The following SHISA6 variants were observed in gnomAD, a reference collection of about 807,000 sequenced individuals.
SHISA6 encodes shisa family member 6, also known as protein shisa-6.
A neutral mutation model predicts 47.9 loss-of-function variants in SHISA6; 22 were observed. The ratio of observed to expected loss-of-function variants is 0.46; its 90% CI spans 0.33 to 0.66. SHISA6 has a LOEUF of 0.66. Ranked by LOEUF, SHISA6 falls within the 30% of genes least tolerant of loss-of-function variation. The pLI is 0.02. For missense variants in SHISA6, 680 were observed against 764.6 expected (o/e 0.89, Z 1.30); for synonymous variants, 388 against 337.8 (o/e 1.15, Z -1.63).
chr17:11,291,063 A>G (rs960065473), intron 2 of SHISA6, among the ~76,000 whole-genome samples: 9 of 152,100 alleles, frequency 5.9e-5, no homozygotes, highest in African/African-American at 2.2e-4. Context: ...TTTATTCTAA[A>G]TAATCCAGTA....
chr17:11,251,145 A>G (rs1219838805), intron 1 of SHISA6, among the ~76,000 whole-genome samples: 2 of 152,056 alleles, frequency 1.3e-5, no homozygotes, highest in African/African-American at 2.4e-5. Flanking sequence ...TCCTGAATGT[A>G]ATGGAGTCAG....
At chr17:11,448,257 G>A (rs1915289674) in intron 3 of SHISA6, among the ~76,000 whole-genome samples, 1 of 152,162 alleles carries the variant, frequency 6.6e-6, no homozygotes, top group South Asian at 2.1e-4. Flanking sequence ...GAGGCTGGGT[G>A]TGGTGGCTCA....
chr17:11,484,868 G>T (rs1916308463), intron 3 of SHISA6, among the ~76,000 whole-genome samples: 3 of 152,216 alleles, frequency 2.0e-5, no homozygotes, highest in African/African-American at 7.2e-5. Context: ...AAAAGAGTCT[G>T]AGTAGAGGTA....
rs78497100 is a variant in SHISA6 at position 11,559,589 on chromosome 17, G to C, written c.*1285G>C. Reference sequence around the variant, plus strand: ...TCCTCCTAGCTGATCCTTCAGATCCGTGCCTCCTCTGGATCAAAGGGACAA... The same window carrying C: ...TCCTCCTAGCTGATCCTTCAGATCCCTGCCTCCTCTGGATCAAAGGGACAA... On this transcript the variant is annotated 3_prime_UTR_variant, in exon 6 of 6. Transcript: ENST00000441885. The surrounding 1 kb of genome is among the most constrained non-coding windows in gnomAD (Gnocchi z 4.4). The C allele has an allele frequency of 3.9e-5, 6 of 152,626 alleles. No homozygotes were observed. Among genetic ancestry groups the C allele is most frequent in the African/African-American group, 1.4e-4 (6 of 41,452 alleles). The allele number at this position is 152,626 out of a possible 1,614,324, so 9.5% of individuals were successfully genotyped here.
Position 11,269,018 on chromosome 17 carries a change from C to T in SHISA6, c.799+5492C>T, listed in dbSNP as rs566877416. Among the ~76,000 whole-genome samples, 212 of 151,720 alleles carry T rather than the reference C, an allele frequency of 1.4e-3. 1 individual carries two copies. The highest frequency in any genetic ancestry group is 4.7e-3 in the African/African-American group (193 of 41,254). ...GGTTGAGCCAGAAGGTCCTGGTATC[C>T]GGTGCCCAGTTTTTTTTGTTTGTCT... On this transcript the variant is annotated intron_variant, in intron 2 of 5. Transcript: ENST00000441885.
At chr17:11,321,614 T>G (rs1440756088) in intron 2 of SHISA6, among the ~76,000 whole-genome samples, 2 of 152,270 alleles carry the variant, frequency 1.3e-5, no homozygotes, top group Non-Finnish European at 2.9e-5. Flanking sequence ...TGTAATTATT[T>G]ATATAGTTGA....
chr17:11,460,982 A>G (rs984394847), intron 3 of SHISA6, among the ~76,000 whole-genome samples: 1 of 152,228 alleles, frequency 6.6e-6, no homozygotes, highest in Admixed American at 6.5e-5. Context: ...ATAGGATTTT[A>G]TTGATTAATT....
chr17:11,551,615 TC>T (rs1397984962), intron 3 of SHISA6, among the ~76,000 whole-genome samples: 1 of 151,418 alleles, frequency 6.6e-6, no homozygotes, highest in Non-Finnish European at 1.5e-5. Flanking sequence ...TCCATCCTTC[TC>T]CTCTTCCACC....
Position 11,563,533 on chromosome 17 carries a change from C to T in SHISA6, c.*5229C>T, listed in dbSNP as rs1307914642. The T allele has an allele frequency of 1.3e-5, 2 of 152,208 alleles. No individual in the cohort carries two copies. Among genetic ancestry groups the T allele is most frequent in the African/African-American group, 4.8e-5 (2 of 41,442 alleles). The allele number at this position is 152,208 out of a possible 1,614,324, so 9.4% of individuals were successfully genotyped here. A position where few individuals can be genotyped will look rare whatever the true frequency, so the allele number is the denominator to read the frequency against. On this transcript the variant is annotated 3_prime_UTR_variant, in exon 6 of 6. Coordinates refer to ENST00000441885, the MANE Select transcript of SHISA6 (RefSeq NM_207386.4). ...GTGTGTTTCCTTAATGCTCTCCCTCCTGAGGGAGGAGAAGACCCTGCTCAA... is the reference window on the plus strand; with the variant it reads ...GTGTGTTTCCTTAATGCTCTCCCTCTTGAGGGAGGAGAAGACCCTGCTCAA...
At chr17:11,376,545 C>T (rs1412502968) in intron 2 of SHISA6, among the ~76,000 whole-genome samples, 2 of 151,914 alleles carry the variant, frequency 1.3e-5, no homozygotes, top group Admixed American at 6.6e-5. Flanking sequence ...AGGATGGTCT[C>T]GATCTCCTGA....
chr17:11,311,139 G>A (rs1048167775), intron 2 of SHISA6, among the ~76,000 whole-genome samples: 7 of 147,986 alleles, frequency 4.7e-5, no homozygotes, highest in Non-Finnish European at 6.0e-5. Flanking sequence ...AAAATTAGCC[G>A]GGTGTGGTGG....
At chr17:11,248,810 A>G (rs1907688014) in intron 1 of SHISA6, among the ~76,000 whole-genome samples, 2 of 152,172 alleles carry the variant, frequency 1.3e-5, no homozygotes, top group African/African-American at 4.8e-5. Flanking sequence ...CTGGGGCAAA[A>G]AGTCACCGAA....
intron 3 of SHISA6, among the ~76,000 whole-genome samples, chr17:11,526,113 C>T (rs1445370312): frequency 2.6e-5 from 4 of 151,936 alleles, no homozygotes; most frequent in Non-Finnish European, 4.4e-5. Flanking sequence ...CAAGGGGACC[C>T]CCCCCCGCTC....
intron 3 of SHISA6, among the ~76,000 whole-genome samples, chr17:11,485,533 A>G (rs1916325347): frequency 6.6e-6 from 1 of 152,098 alleles, no homozygotes; most frequent in African/African-American, 2.4e-5. Flanking sequence ...CCCAGGAAAC[A>G]CTCTGCAGAA....
At chr17:11,296,549 G>A (rs940711065) in intron 2 of SHISA6, among the ~76,000 whole-genome samples, 1 of 152,136 alleles carries the variant, frequency 6.6e-6, no homozygotes, top group Non-Finnish European at 1.5e-5. Flanking sequence ...AGCCAGTGCT[G>A]GATGCTGGAA....
At chr17:11,468,781 G>C (rs1372516292) in intron 3 of SHISA6, among the ~76,000 whole-genome samples, 1 of 152,082 alleles carries the variant, frequency 6.6e-6, no homozygotes, top group Non-Finnish European at 1.5e-5. Context: ...AGCACTTTGG[G>C]AGGCCAAGGT....
At chr17:11,499,196 T>C (rs2071430823) in intron 3 of SHISA6, among the ~76,000 whole-genome samples, 1 of 152,102 alleles carries the variant, frequency 6.6e-6, no homozygotes, top group Non-Finnish European at 1.5e-5. Context: ...AGGGCCAGAA[T>C]TCAGTGCCTC....
At chr17:11,277,241 TTC>T (rs139388009) in intron 2 of SHISA6, among the ~76,000 whole-genome samples, 228 of 78,130 alleles carry the variant, frequency 2.9e-3, no homozygotes, top group Middle Eastern at 0.014. Flanking sequence ...CGGTTTCTCT[TTC>T]TCTCTCTCTC....
chr17:11,259,318 A>G (rs76183002), intron 1 of SHISA6, among the ~76,000 whole-genome samples: 23 of 152,264 alleles, frequency 1.5e-4, no homozygotes, highest in Non-Finnish European at 2.6e-4. Flanking sequence ...AAAAGTTTTC[A>G]TTTTCTTAAC....
Sources: allele counts gnomAD v4.1 joint callset (sites outside exome capture counted in the v4.1 genomes callset), GRCh38; gene constraint gnomAD v4.1.1; non-coding constraint Gnocchi (gnomAD v3.1); transcripts MANE v1.5; gene names NCBI Gene and HGNC (gene_info 2026-07-23, HGNC 2026-07-21).